STAG1: variants seen among roughly 807,000 people sequenced by gnomAD.
STAG1 encodes STAG1 cohesin complex component.
Under a neutral mutation model 170.9 loss-of-function variants are expected in STAG1, and 26 were observed. That is an observed-to-expected ratio of 0.15 (90% confidence interval 0.11 to 0.21). STAG1 has a LOEUF of 0.21. Among genes scored for constraint, STAG1 ranks in the 10% least tolerant of loss-of-function variants. The pLI is 1.00. For missense variants in STAG1, 964 were observed against 1,509.5 expected (o/e 0.64, Z 5.99); for synonymous variants, 514 against 497.7 (o/e 1.03, Z -0.44).
At chr3:136,655,925 A>G (rs1941356870) in intron 1 of STAG1, among the ~76,000 whole-genome samples, 1 of 152,164 alleles carries the variant, frequency 6.6e-6, no homozygotes, top group Non-Finnish European at 1.5e-5. Flanking sequence ...ACTTCTGGGT[A>G]TGTAGTCCAA....
chr3:136,444,606 T>G (rs2088723246), intron 14 of STAG1, among the ~76,000 whole-genome samples: 1 of 152,144 alleles, frequency 6.6e-6, no homozygotes, highest in South Asian at 2.1e-4. Context: ...GAACTAAGAT[T>G]CAAAAAATGA....
chr3:136,473,206 T>C (rs2089668185), intron 11 of STAG1, among the ~76,000 whole-genome samples: 1 of 152,174 alleles, frequency 6.6e-6, no homozygotes, highest in South Asian at 2.1e-4. Flanking sequence ...GAACATCTAG[T>C]TGCAGGAAAA....
At chr3:136,629,721 G>C (rs1358144016) in intron 2 of STAG1, among the ~76,000 whole-genome samples, 4 of 152,124 alleles carry the variant, frequency 2.6e-5, no homozygotes, top group Admixed American at 2.6e-4. Context: ...AATAAGGTAT[G>C]TAAATGAACT....
intron 23 of STAG1, among the ~76,000 whole-genome samples, chr3:136,371,170 C>T (rs1097947): frequency 2.0e-5 from 3 of 151,988 alleles, no homozygotes; most frequent in African/African-American, 7.3e-5. Context: ...TTGAGAAGTG[C>T]CTGTTCATAT....
At chr3:136,720,936 C>T (rs1576808876) in intron 1 of STAG1, among the ~76,000 whole-genome samples, 1 of 152,218 alleles carries the variant, frequency 6.6e-6, no homozygotes, top group Non-Finnish European at 1.5e-5. Flanking sequence ...TGAGATGACA[C>T]AGACATACCT....
chr3:136,356,640 C>G (rs531660649), intron 28 of STAG1, among the ~76,000 whole-genome samples: 18 of 152,326 alleles, frequency 1.2e-4, no homozygotes, highest in African/African-American at 4.3e-4. Context: ...CTTCAGCCTC[C>G]TTACAGGCGT....
chr3:136,376,319 A>G (rs1326981954), intron 23 of STAG1, among the ~76,000 whole-genome samples: 1 of 152,204 alleles, frequency 6.6e-6, no homozygotes, highest in African/African-American at 2.4e-5. Context: ...CCAATACAAC[A>G]GTCTATTTTA....
At chr3:136,379,290 T>G (rs1937804430) in intron 22 of STAG1, among the ~76,000 whole-genome samples, 1 of 152,130 alleles carries the variant, frequency 6.6e-6, no homozygotes, top group Admixed American at 6.6e-5. Context: ...TTGGAAAATC[T>G]TAACTCAGAG....
intron 1 of STAG1, among the ~76,000 whole-genome samples, chr3:136,668,382 A>G (rs1332728228): frequency 1.4e-5 from 2 of 146,152 alleles, no homozygotes; most frequent in Non-Finnish European, 3.0e-5. Context: ...TATTATACAT[A>G]ATATATAAAA....
At chr3:136,688,303 G>A (rs1942606206) in intron 1 of STAG1, among the ~76,000 whole-genome samples, 1 of 152,152 alleles carries the variant, frequency 6.6e-6, no homozygotes, top group South Asian at 2.1e-4. Context: ...TTCTCCAGTA[G>A]ACAAAGTCAA....
intron 1 of STAG1, among the ~76,000 whole-genome samples, chr3:136,652,274 C>G (rs1467583837): frequency 1.3e-5 from 2 of 152,184 alleles, no homozygotes; most frequent in East Asian, 3.8e-4. Context: ...GGCTAACGCA[C>G]TTGTAGAAAA....
At chr3:136,442,693 T>TAA (rs56744994) in intron 15 of STAG1, among the ~76,000 whole-genome samples, 160 of 148,794 alleles carry the variant, frequency 1.1e-3, no homozygotes, top group African/African-American at 2.6e-3. Context: ...TGGATGTACT[T>TAA]AAAAAAAAAA....
At chr3:136,511,448 A>G (rs1292499578) in intron 7 of STAG1, among the ~76,000 whole-genome samples, 1 of 152,274 alleles carries the variant, frequency 6.6e-6, no homozygotes, top group Non-Finnish European at 1.5e-5. Flanking sequence ...CATATACACC[A>G]TGGAAGGCTT....
chr3:136,618,838 G>A (rs1939713847), intron 3 of STAG1, among the ~76,000 whole-genome samples: 1 of 151,792 alleles, frequency 6.6e-6, no homozygotes. Context: ...AAATGTCCTT[G>A]ACTGCAAAGA....
In STAG1 at chr3:136,734,627, A is replaced by T. The variant is rs140263811; in HGVS notation, c.-84+17568T>A. 5.4e-3 allele frequency among the ~76,000 whole-genome samples: 817 copies of T among 152,172 alleles called. 7 individuals are homozygous for T. Among genetic ancestry groups the T allele is most frequent in the African/African-American group, 0.018 (756 of 41,514 alleles). On this transcript the variant is annotated intron_variant, in intron 1 of 33. Coordinates refer to ENST00000383202, the MANE Select transcript of STAG1 (RefSeq NM_005862.3). ...GACAGGGAGAAGGGCATCTCCTTTT[A>T]CTTTTGTATTTTTTATGCTTCCCAC...
chr3:136,590,716 T>A (rs904423965), intron 4 of STAG1, among the ~76,000 whole-genome samples: 1 of 152,152 alleles, frequency 6.6e-6, no homozygotes, highest in Non-Finnish European at 1.5e-5. Context: ...AGTATAAAGG[T>A]AATTCAGCTG....
chr3:136,520,377 T>A (rs180832996), intron 7 of STAG1, among the ~76,000 whole-genome samples: 20 of 152,198 alleles, frequency 1.3e-4, no homozygotes. Context: ...TGGTTTATTA[T>A]GATAATAAGT....
At chr3:136,714,394 G>A (rs1308891353) in intron 1 of STAG1, among the ~76,000 whole-genome samples, 1 of 152,090 alleles carries the variant, frequency 6.6e-6, no homozygotes, top group Non-Finnish European at 1.5e-5. Context: ...CTAGGAGTCT[G>A]AGAATCCTGG....
chr3:136,533,671 C>T (rs1576578328), intron 6 of STAG1, among the ~76,000 whole-genome samples: 1 of 152,106 alleles, frequency 6.6e-6, no homozygotes, highest in Non-Finnish European at 1.5e-5. Context: ...AGGAGGATAC[C>T]AAGCCACTCA....
Sources: allele counts gnomAD v4.1 joint callset (sites outside exome capture counted in the v4.1 genomes callset), GRCh38; gene constraint gnomAD v4.1.1; transcripts MANE v1.5; gene names NCBI Gene and HGNC (gene_info 2026-07-23, HGNC 2026-07-21).